UQCC1: variants seen among roughly 807,000 people sequenced by gnomAD.
The protein encoded by UQCC1 is bFGF-repressed Zic-binding protein.
UQCC1 carries 38 observed loss-of-function variants against 48.0 expected under a neutral mutation model. That is an observed-to-expected ratio of 0.79 (90% CI 0.61 to 1.04). UQCC1 has a LOEUF of 1.04. Among genes scored for constraint, UQCC1 ranks in the 50% least tolerant of loss-of-function variants. UQCC1 has a pLI of 0.00. For missense variants in UQCC1, 368 were observed against 381.8 expected (o/e 0.96, Z 0.30); for synonymous variants, 111 against 129.2 (o/e 0.86, Z 0.95).
intron 7 of UQCC1, among the ~76,000 whole-genome samples, chr20:35,338,830 C>A (rs114678651): frequency 1.8e-5 from 2 of 114,182 alleles, no homozygotes; most frequent in African/African-American, 6.7e-5. Flanking sequence ...CCAGACCGGG[C>A]GAGAAAGCAA....
At chr20:35,313,419 T>C (rs2061017225) in intron 8 of UQCC1, among the ~76,000 whole-genome samples, 1 of 146,808 alleles carries the variant, frequency 6.8e-6, no homozygotes, top group East Asian at 2.0e-4. Flanking sequence ...GATCCAAATG[T>C]CCTGATGTGG....
At chr20:35,375,382 TTAAGATATTTTATTTG>T (rs1438347809) in intron 4 of UQCC1, among the ~76,000 whole-genome samples, 15 of 152,190 alleles carry the variant, frequency 9.9e-5, no homozygotes, top group Admixed American at 1.3e-4. Context: ...CTGATTGTAA[TTAAGATATTTTATTTG>T]CTAACTTGAG....
chr20:35,379,266 T>C (rs1600980877), intron 4 of UQCC1, among the ~76,000 whole-genome samples: 1 of 152,192 alleles, frequency 6.6e-6, no homozygotes, highest in African/African-American at 2.4e-5. Context: ...AAGAAAAAGA[T>C]AGAGAAAAGA....
At position 35,303,682 on chromosome 20, in the gene UQCC1, G is replaced by T; in HGVS notation, c.*253C>A. 1 of 522,004 alleles carries T rather than the reference G, an allele frequency of 1.9e-6. No individual in the cohort carries two copies. Among genetic ancestry groups the T allele is most frequent in the Non-Finnish European group, 3.5e-6 (1 of 289,148 alleles). 32.3% of individuals were successfully genotyped at this position (522,004 alleles called of 1,614,324 possible). ...GGGGGTTGGGGAGTGTGTGCTGGGG[G>T]ACTCTCACTCGGGGCTTCCCCTAAG... On this transcript the variant is annotated 3_prime_UTR_variant, in exon 10 of 10. Coordinates refer to ENST00000374385, the MANE Select transcript of UQCC1 (RefSeq NM_018244.5).
intron 1 of UQCC1, among the ~76,000 whole-genome samples, chr20:35,395,602 T>C (rs556188802): frequency 1.4e-4 from 22 of 152,230 alleles, no homozygotes; most frequent in African/African-American, 5.3e-4. Context: ...AAATATATAT[T>C]TCTTCTCTCA....
At chr20:35,386,536 G>GT (rs1205633802) in intron 2 of UQCC1, 3 of 351,706 alleles carry the variant, frequency 8.5e-6, no homozygotes, top group Non-Finnish European at 1.6e-5. Context: ...AGCAGGCTTT[G>GT]TAAAACACAG....
intron 7 of UQCC1, among the ~76,000 whole-genome samples, chr20:35,338,856 GAAA>G (rs1172467457): frequency 6.0e-4 from 16 of 26,828 alleles, no homozygotes; most frequent in African/African-American, 2.6e-3. Context: ...CGTCTCAAAA[GAAA>G]AAAAAAAAAA....
At chr20:35,380,807 G>A (rs1056561510) in intron 4 of UQCC1, among the ~76,000 whole-genome samples, 6 of 152,214 alleles carry the variant, frequency 3.9e-5, no homozygotes, top group African/African-American at 1.4e-4. Flanking sequence ...TCTGAAACGT[G>A]TGGAAACAGC....
chr20:35,346,090 G>A (rs191627355), intron 7 of UQCC1: 1 of 152,312 alleles, frequency 6.6e-6, no homozygotes, highest in East Asian at 1.9e-4. Context: ...TCAGCATTCT[G>A]TAAAAACGCA....
chr20:35,364,041 T>G (rs1185041054), intron 6 of UQCC1, among the ~76,000 whole-genome samples: 1 of 152,148 alleles, frequency 6.6e-6, no homozygotes, highest in African/African-American at 2.4e-5. Flanking sequence ...ACTAACTACT[T>G]TCCTGGTGAC....
At chr20:35,347,876 TTACA>T (rs2061448003) in intron 6 of UQCC1, among the ~76,000 whole-genome samples, 1 of 152,236 alleles carries the variant, frequency 6.6e-6, no homozygotes, top group Non-Finnish European at 1.5e-5. Context: ...ATATACTGGG[TTACA>T]TACAATCTAT....
At position 35,304,325 on chromosome 20, in the gene UQCC1, A is replaced by G. The variant is rs542651387; in HGVS notation, c.766-256T>C. Among the ~76,000 whole-genome samples the G allele has an allele frequency of 1.8e-3, 270 of 152,230 alleles. 1 individual carries two copies. Among genetic ancestry groups the G allele is most frequent in the African/African-American group, 6.0e-3 (251 of 41,540 alleles). On this transcript the variant is annotated intron_variant, in intron 9 of 9. Coordinates refer to ENST00000374385, the MANE Select transcript of UQCC1 (RefSeq NM_018244.5). ...GGGGGCAGTTAGGGAATTCCCTATC[A>G]CACCTCTGAATGGAGACAGACACAC...
At chr20:35,360,992 A>G (rs762156239) in intron 6 of UQCC1, among the ~76,000 whole-genome samples, 1 of 152,158 alleles carries the variant, frequency 6.6e-6, no homozygotes, top group Non-Finnish European at 1.5e-5. Flanking sequence ...GTGGCCTGAG[A>G]CAATTCCTTA....
chr20:35,332,470 G>A (rs1369946884), intron 7 of UQCC1, among the ~76,000 whole-genome samples: 3 of 152,252 alleles, frequency 2.0e-5, no homozygotes, highest in African/African-American at 7.2e-5. Context: ...TGCACATGCA[G>A]TACGGTATCC....
intron 6 of UQCC1, among the ~76,000 whole-genome samples, chr20:35,359,825 G>A (rs1387337590): frequency 1.3e-5 from 2 of 152,144 alleles, no homozygotes; most frequent in Non-Finnish European, 2.9e-5. Context: ...TAATGAATGA[G>A]TTTATTGATC....
At chr20:35,307,293 C>T (rs567864797) in intron 8 of UQCC1, among the ~76,000 whole-genome samples, 1 of 152,240 alleles carries the variant, frequency 6.6e-6, no homozygotes, top group South Asian at 2.1e-4. Flanking sequence ...GAGCCAGCTA[C>T]CTTGTCTTCA....
At position 35,350,357 on chromosome 20, in the gene UQCC1, G is replaced by A. The variant is rs181902077; in HGVS notation, c.465-3085C>T. Among the ~76,000 whole-genome samples, 4 of 152,256 alleles carry A rather than the reference G, an allele frequency of 2.6e-5. No individual in the cohort carries two copies. In the East Asian group the frequency reaches 7.7e-4, roughly 29 times the overall value. ...AAAAAGTAGAGAATTTGTCTGTCAC[G>A]GAGAAGTGAATCAACGCTTGGTGGG... On this transcript the variant is annotated intron_variant, in intron 6 of 9. Coordinates refer to ENST00000374385, the MANE Select transcript of UQCC1 (RefSeq NM_018244.5).
At chr20:35,306,575 T>A in intron 9 of UQCC1, 91 bp downstream of exon 9, 1 of 985,014 alleles carries the variant, frequency 1.0e-6, no homozygotes, top group Non-Finnish European at 1.6e-6. Context: ...AGGCTGGTCC[T>A]TGGTAACTCC....
intron 7 of UQCC1, among the ~76,000 whole-genome samples, chr20:35,324,460 G>A (rs1197303455): frequency 1.3e-5 from 2 of 152,178 alleles, no homozygotes; most frequent in African/African-American, 4.8e-5. Context: ...CAGAGTAGCT[G>A]GGACTACAGG....
Sources: gnomAD v4.1 joint callset for allele counts (sites outside exome capture counted in the v4.1 genomes callset) on GRCh38, gnomAD v4.1.1 for gene constraint, MANE v1.5 for transcripts, NCBI Gene and HGNC (gene_info 2026-07-23, HGNC 2026-07-21) for gene names.